The following KBTBD12 variants were observed in gnomAD, a reference collection of about 807,000 sequenced individuals.
KBTBD12 encodes kelch repeat and BTB domain containing 12, also known as kelch repeat and BTB domain-containing protein 12.
A neutral mutation model predicts 58.7 loss-of-function variants in KBTBD12; 53 were observed. The ratio of observed to expected loss-of-function variants is 0.90; its 90% confidence interval spans 0.72 to 1.14. The LOEUF is 1.14. Ranked by LOEUF, KBTBD12 falls within the 50% of genes most tolerant of loss-of-function variation. The probability of loss-of-function intolerance (pLI) is 0.00; values close to 1 mark genes in which losing one functional copy is unlikely to be tolerated. For missense variants in KBTBD12, 704 were observed against 751.3 expected, an observed-to-expected ratio of 0.94 and a Z score of 0.74; for synonymous variants, 236 against 259.8, an observed-to-expected ratio of 0.91 and a Z score of 0.88.
intron 4 of KBTBD12, among the ~76,000 whole-genome samples, chr3:127,937,321 T>C (rs1232800160): frequency 1.3e-5 from 2 of 152,096 alleles, no homozygotes; most frequent in East Asian, 1.9e-4. Flanking sequence ...TAGAAAATGA[T>C]AGAGAATGAT....
chr3:127,981,196 A>G (rs1940866688), intron 5 of KBTBD12, among the ~76,000 whole-genome samples: 1 of 152,242 alleles, frequency 6.6e-6, no homozygotes, highest in Non-Finnish European at 1.5e-5. Context: ...TACACATCCC[A>G]GATTCTAGAC....
chr3:127,923,387 A>G lies in KBTBD12; in HGVS notation c.326A>G (p.Tyr109Cys), dbSNP rs1939475276. The change falls in exon 2 of 6, where the codon TAT (tyrosine) becomes TGT (cysteine). Residue 109 changes from tyrosine (Y) to cysteine (C), a missense_variant. Tyr to Cys is a radical substitution (Grantham distance 194). Coordinates refer to ENST00000405109, the MANE Select transcript of KBTBD12 (RefSeq NM_207335.4). ...GTACAGACTGTAGCTATGGCTGCCT[A>G]TTTTATGCAGATGGAAGAAGTCTTC... ...ANVQTVAMAA[Y>C]FMQMEEVFSV... 6.2e-7 allele frequency: 1 copy of G among 1,613,686 alleles called. No homozygotes were observed. The highest frequency in any genetic ancestry group is 1.1e-5 in the South Asian group (1 of 91,076).
intron 4 of KBTBD12, among the ~76,000 whole-genome samples, chr3:127,932,841 G>A (rs184168516): frequency 1.4e-4 from 22 of 152,232 alleles, no homozygotes; most frequent in African/African-American, 5.1e-4. Flanking sequence ...TTGTTACAGA[G>A]ACTTTGCTAA....
chr3:127,937,739 T>G (rs1939858937), intron 4 of KBTBD12, among the ~76,000 whole-genome samples: 1 of 151,832 alleles, frequency 6.6e-6, no homozygotes, highest in Non-Finnish European at 1.5e-5. Flanking sequence ...AAACAAGAAA[T>G]GTATACTTAG....
chr3:127,971,093 T>C (rs1454422316), intron 5 of KBTBD12, among the ~76,000 whole-genome samples: 2 of 152,006 alleles, frequency 1.3e-5, no homozygotes, highest in Non-Finnish European at 2.9e-5. Context: ...GTTCCTTGAG[T>C]GAAAGAGGCA....
intron 4 of KBTBD12, among the ~76,000 whole-genome samples, chr3:127,942,827 A>T (rs1292550336): frequency 6.6e-6 from 1 of 151,932 alleles, no homozygotes; most frequent in Non-Finnish European, 1.5e-5. Flanking sequence ...AAGTTCAAGG[A>T]CATGACCTTG....
intron 4 of KBTBD12, among the ~76,000 whole-genome samples, chr3:127,941,549 A>G (rs572054037): frequency 8.5e-5 from 13 of 152,272 alleles, no homozygotes; most frequent in African/African-American, 3.1e-4. Flanking sequence ...GATAAAAGAC[A>G]CCTATGAAAA....
chr3:127,930,705 T>C (rs1248434225), intron 4 of KBTBD12, among the ~76,000 whole-genome samples: 1 of 152,204 alleles, frequency 6.6e-6, no homozygotes, highest in Non-Finnish European at 1.5e-5. Context: ...ATCCTCATTT[T>C]GCCTAACCCA....
chr3:127,973,598 G>A (rs72983933), intron 5 of KBTBD12, among the ~76,000 whole-genome samples: 8,748 of 152,064 alleles, frequency 0.058, 307 homozygotes, highest in East Asian at 0.097. Context: ...GTATTTAGGA[G>A]TGAAGTATTA....
intron 4 of KBTBD12, among the ~76,000 whole-genome samples, chr3:127,948,387 C>T (rs556136602): frequency 2.0e-5 from 3 of 152,264 alleles, no homozygotes; most frequent in African/African-American, 7.2e-5. Context: ...ATGCTGGCCC[C>T]GTACTCTCTG....
intron 3 of KBTBD12, 155 bp downstream of exon 3, chr3:127,928,189 G>A: frequency 3.1e-6 from 2 of 646,672 alleles, no homozygotes; most frequent in Admixed American, 2.9e-5. Context: ...GTTTTAAAGT[G>A]TTAAAGCAAT....
At chr3:127,957,662 A>C (rs1940345442) in intron 4 of KBTBD12, among the ~76,000 whole-genome samples, 1 of 152,056 alleles carries the variant, frequency 6.6e-6, no homozygotes, top group South Asian at 2.1e-4. Flanking sequence ...CAAAAAAAAA[A>C]GTATAAGAAA....
chr3:127,923,869 G>A lies in KBTBD12; in HGVS notation c.808G>A (p.Gly270Ser). Residue 270 changes from glycine (G) to serine (S), a missense_variant, in exon 2 of 6, where the codon GGT becomes AGT. By Grantham distance (56) the Gly-to-Ser change is moderately conservative. Coordinates refer to ENST00000405109, the MANE Select transcript of KBTBD12 (RefSeq NM_207335.4). ...ACAGCACTCTCTAAATCTGCGCTATGGTATGGAGACTACCAGTCTTCTGCT... is the reference window on the plus strand; with the variant it reads ...ACAGCACTCTCTAAATCTGCGCTATAGTATGGAGACTACCAGTCTTCTGCT... ...PQQHSLNLRY[G>S]METTSLLLCI... The A allele has an allele frequency of 6.2e-7, 1 of 1,613,910 alleles. No homozygotes were observed. Among genetic ancestry groups the A allele is most frequent in the Non-Finnish European group, 8.5e-7 (1 of 1,179,842 alleles).
In KBTBD12 at chr3:127,963,303, CCCT is replaced by C. The variant is rs1940487081; in HGVS notation, c.1612_1614del (p.Leu538del). 1 of 1,611,560 alleles carries C rather than the reference CCCT, an allele frequency of 6.2e-7. No homozygotes were observed. The highest frequency in any genetic ancestry group is 8.5e-7 in the Non-Finnish European group (1 of 1,179,042). On this transcript the variant is annotated inframe_deletion, in exon 5 of 6. Transcript: ENST00000405109. ...CGAGAGGGCCCTCCCATGCCAAGTC[CCCT>C]CCTCTCACTCCGCACCAATTCCACC...
chr3:127,958,266 C>T (rs1940359683), intron 4 of KBTBD12, among the ~76,000 whole-genome samples: 1 of 152,058 alleles, frequency 6.6e-6, no homozygotes, highest in Non-Finnish European at 1.5e-5. Context: ...GAGAGGAGGG[C>T]TGTGGTGACA....
At chr3:127,937,389 C>T (rs974700622) in intron 4 of KBTBD12, among the ~76,000 whole-genome samples, 1 of 151,912 alleles carries the variant, frequency 6.6e-6, no homozygotes, top group Non-Finnish European at 1.5e-5. Context: ...AAATATATAA[C>T]AATATTAAAA....
At chr3:127,944,907 G>T (rs1940037689) in intron 4 of KBTBD12, among the ~76,000 whole-genome samples, 1 of 150,768 alleles carries the variant, frequency 6.6e-6, no homozygotes. Flanking sequence ...TTTGAGAGAG[G>T]GTCTTGCTCT....
At chr3:127,970,240 C>T (rs1940657562) in intron 5 of KBTBD12, among the ~76,000 whole-genome samples, 1 of 152,008 alleles carries the variant, frequency 6.6e-6, no homozygotes, top group Non-Finnish European at 1.5e-5. Flanking sequence ...ACACTTCATA[C>T]CCACAAGGAT....
intron 4 of KBTBD12, among the ~76,000 whole-genome samples, chr3:127,958,202 G>A (rs897455593): frequency 6.6e-6 from 1 of 152,120 alleles, no homozygotes; most frequent in African/African-American, 2.4e-5. Flanking sequence ...TGTAGGGGAG[G>A]GGATGGGTAT....
Sources: gnomAD v4.1 joint callset for allele counts (sites outside exome capture counted in the v4.1 genomes callset) on GRCh38, gnomAD v4.1.1 for gene constraint, MANE v1.5 for transcripts, NCBI Gene and HGNC (gene_info 2026-07-23, HGNC 2026-07-21) for gene names.